Variants in FAT1 observed in about 807,000 individuals in gnomAD.
FAT1 encodes the protein protocadherin Fat 1.
FAT1 carries 171 observed loss-of-function variants against 329.8 expected under a neutral mutation model. That is an observed-to-expected ratio of 0.52 (90% CI 0.46 to 0.59). The LOEUF is 0.59. Ranked by LOEUF, FAT1 falls within the 20% of genes least tolerant of loss-of-function variation. The pLI is 0.00. For missense variants in FAT1, 5,672 were observed against 5,774.4 expected, an observed-to-expected ratio of 0.98 and a Z score of 0.57; for synonymous variants, 2,233 against 2,228.6, an observed-to-expected ratio of 1.00 and a Z score of -0.06.
intron 4 of FAT1, 146 bp from the exon 5 acceptor site, chr4:186,637,060 A>C (rs573191274): frequency 1.4e-6 from 1 of 739,622 alleles, no homozygotes; most frequent in Non-Finnish European, 2.2e-6. Flanking sequence ...CTTCATTCCA[A>C]CAACAGGGCT....
chr4:186,705,682 G>A (rs1264249890), intron 2 of FAT1, among the ~76,000 whole-genome samples: 2 of 152,170 alleles, frequency 1.3e-5, no homozygotes, highest in Non-Finnish European at 2.9e-5. Context: ...ACTCCACCAG[G>A]ACATATTGAC....
At chr4:186,699,402 C>T (rs952510398) in intron 2 of FAT1, among the ~76,000 whole-genome samples, 2 of 152,100 alleles carry the variant, frequency 1.3e-5, no homozygotes, top group African/African-American at 2.4e-5. Context: ...AGCAATGGAC[C>T]GAGTTCAACA....
At chr4:186,715,070 T>A (rs1293175801) in intron 1 of FAT1, among the ~76,000 whole-genome samples, 2 of 143,104 alleles carry the variant, frequency 1.4e-5, no homozygotes, top group Non-Finnish European at 3.0e-5. Flanking sequence ...AGAGCAAGAC[T>A]CTGTCTCAAA....
At chr4:186,612,564 T>C (rs1311673789) in intron 13 of FAT1, among the ~76,000 whole-genome samples, 2 of 152,184 alleles carry the variant, frequency 1.3e-5, no homozygotes, top group African/African-American at 4.8e-5. Context: ...AAGTACATAA[T>C]GCAAATATTC....
intron 2 of FAT1, among the ~76,000 whole-genome samples, chr4:186,699,428 G>A (rs746969889): frequency 6.6e-6 from 1 of 152,146 alleles, no homozygotes. Flanking sequence ...TCAGATATTC[G>A]AGGAGATATG....
intron 26 of FAT1, among the ~76,000 whole-genome samples, chr4:186,591,560 A>T (rs1211598808): frequency 6.6e-6 from 1 of 152,228 alleles, no homozygotes; most frequent in African/African-American, 2.4e-5. Context: ...GCCAAAAAAT[A>T]TTTGTCAATG....
chr4:186,594,229 C>G (rs1007921581), intron 26 of FAT1, among the ~76,000 whole-genome samples: 8 of 151,950 alleles, frequency 5.3e-5, no homozygotes, highest in Admixed American at 5.2e-4. Flanking sequence ...CCACGCCCGG[C>G]TGATTTTTTT....
chr4:186,633,580 A>AC, intron 7 of FAT1, 104 bp downstream of exon 7: 2 of 1,197,634 alleles, frequency 1.7e-6, no homozygotes, highest in African/African-American at 3.0e-5. Flanking sequence ...CTGATTTTAG[A>AC]CCCTCACAGG....
chr4:186,665,379 T>A (rs537797012), intron 2 of FAT1, among the ~76,000 whole-genome samples: 1 of 152,192 alleles, frequency 6.6e-6, no homozygotes, highest in Non-Finnish European at 1.5e-5. Context: ...TTTTTAATGA[T>A]CACCATTCTA....
chr4:186,643,627 C>G (rs1274316903), intron 3 of FAT1, among the ~76,000 whole-genome samples: 1 of 152,066 alleles, frequency 6.6e-6, no homozygotes, highest in South Asian at 2.1e-4. Flanking sequence ...GGTGTCTTTT[C>G]GAGGTGCGCT....
rs763068221 is a variant in FAT1, at chr4:186,663,360, C to G, written c.3519G>C (p.Lys1173Asn). 2.5e-6 allele frequency: 4 copies of G among 1,613,956 alleles called. No homozygotes were observed. The highest frequency in any genetic ancestry group is 3.4e-6 in the Non-Finnish European group (4 of 1,179,866). Residue 1173 changes from lysine to asparagine, a missense_variant, in exon 3 of 27, where the codon AAG (lysine) becomes AAC (asparagine). Lys to Asn is a moderately conservative substitution (Grantham distance 94, BLOSUM62 0). Coordinates refer to ENST00000441802, the MANE Select transcript of FAT1 (RefSeq NM_005245.4). ...TTCCACTTGTAATTTTGTACATGAG[C>G]TTGTCATTAGAGCTCGAATCTGGAT... is the stretch of plus-strand genomic sequence containing the variant. The part of the protein sequence containing the change: ...AFDPDSSSND[K>N]LMYKITSGNP...
intron 2 of FAT1, among the ~76,000 whole-genome samples, chr4:186,680,972 T>C (rs1303006358): frequency 1.3e-5 from 2 of 152,190 alleles, no homozygotes; most frequent in Non-Finnish European, 2.9e-5. Context: ...AACCAAACCC[T>C]AAGAAAGCTT....
rs144100964 is a variant in FAT1, at chr4:186,611,310, A to G, written c.9853+76T>C. On this transcript the variant is annotated intron_variant, in intron 14 of 26. Coordinates refer to ENST00000441802, the MANE Select transcript of FAT1 (RefSeq NM_005245.4). ...TACTGACAACACAGGGTCACTTAAT[A>G]CAAGGCAACGTGGTTAAGCAAATCT... The G allele has an allele frequency of 1.2e-4, 169 of 1,381,946 alleles. No homozygotes were observed. The African/African-American group carries it at 2.2e-3, about 18-fold the overall frequency. The allele number at this position is 1,381,946 out of a possible 1,614,324, so 85.6% of individuals were successfully genotyped here.
In FAT1 at chr4:186,596,917, C is replaced by T. The variant is rs751626816; in HGVS notation, c.12623G>A (p.Arg4208Gln). The change falls in exon 25 of 27, where the codon CGG (arginine) becomes CAG (glutamine). Residue 4208 changes from arginine to glutamine, a missense_variant. Arg to Gln is a conservative substitution (Grantham distance 43). This residue lies in a region of FAT1 where 1,706 missense variants were observed against 1,859.1 expected (regional missense o/e 0.92). Coordinates refer to ENST00000441802, the MANE Select transcript of FAT1 (RefSeq NM_005245.4). This position sits in a 1 kb window ranked among gnomAD's most constrained non-coding sequence, Gnocchi z 4.7. ...AGGTTCAGCCTGATGCTTCTTTTTC[C>T]GACTAATCATCTTACGGCAGAGAAC... ...VFVLCRKMIS[R>Q]KKKHQAEPKD... 2.2e-5 allele frequency: 35 copies of T among 1,613,858 alleles called. No homozygotes were observed. The highest frequency in any genetic ancestry group is 3.3e-4 in the Middle Eastern group (2 of 6,084).
In FAT1 at chr4:186,639,799, A is replaced by G. The variant is rs2126571592; in HGVS notation, c.3581-16T>C. 2 of 1,599,514 alleles carry G rather than the reference A, an allele frequency of 1.3e-6. No individual in the cohort carries two copies. Among genetic ancestry groups the G allele is most frequent in the Middle Eastern group, 3.3e-4 (2 of 5,982 alleles). ...GTGATGAGACCTGTAAAATGATAAC[A>G]GTTCATTAATCCTCACAAAATAAGG... On this transcript the variant is annotated splice_polypyrimidine_tract_variant and intron_variant, in intron 3 of 26. Coordinates refer to ENST00000441802, the MANE Select transcript of FAT1 (RefSeq NM_005245.4).
At chr4:186,622,037 A>C (rs1740073718) in intron 9 of FAT1, among the ~76,000 whole-genome samples, 1 of 152,176 alleles carries the variant, frequency 6.6e-6, no homozygotes, top group Admixed American at 6.5e-5. Context: ...GCGAAGCCAA[A>C]ACTCCCTCTC....
At chr4:186,591,581 C>A (rs149576610) in intron 26 of FAT1, among the ~76,000 whole-genome samples, 1 of 152,246 alleles carries the variant, frequency 6.6e-6, no homozygotes, top group East Asian at 1.9e-4. Flanking sequence ...AAGGAGACTG[C>A]AATGAAGGAA....
chr4:186,619,191 C>T lies in FAT1; in HGVS notation c.7395G>A (p.Leu2465=), dbSNP rs1739894569. ...TTCTAAAAACTCCATCAGACACTGA[C>T]AGGTTAAGACTGTAAAATGGCTTCA... ...HALKPFYSLN[L]SVSDGVFRSS... Residue 2465 remains leucine, a synonymous_variant, in exon 10 of 27, where the codon CTG becomes CTA. Coordinates refer to ENST00000441802, the MANE Select transcript of FAT1 (RefSeq NM_005245.4). The T allele has an allele frequency of 1.9e-6, 3 of 1,613,840 alleles. No homozygotes were observed. Among genetic ancestry groups the T allele is most frequent in the Non-Finnish European group, 8.5e-7 (1 of 1,179,898 alleles).
In FAT1 at chr4:186,706,873, G is replaced by A. The variant is rs200907501; in HGVS notation, c.2955C>T (p.Ile985=). Reference sequence around the variant, plus strand: ...TCTTCTCAAAGTCCAACTGCTGGACGATCCTAACTGCTCCACTGAGTTTAT... The same window carrying A: ...TCTTCTCAAAGTCCAACTGCTGGACAATCCTAACTGCTCCACTGAGTTTAT... ...DVDKLSGAVR[I]VQQLDFEKKQ... The change falls in exon 2 of 27, where the codon ATC becomes ATT. Residue 985 remains isoleucine (I), a synonymous_variant. Coordinates refer to ENST00000441802, the MANE Select transcript of FAT1 (RefSeq NM_005245.4). The A allele has an allele frequency of 9.4e-4, 1,523 of 1,613,792 alleles. 3 individuals are homozygous for A. Among genetic ancestry groups the A allele is most frequent in the Admixed American group, 2.2e-3 (132 of 59,996 alleles).
Sources: gnomAD v4.1 joint callset for allele counts (sites outside exome capture counted in the v4.1 genomes callset) on GRCh38, gnomAD v4.1.1 for gene constraint, gnomAD v4.1.1 regional missense constraint, Gnocchi (gnomAD v3.1) non-coding constraint, MANE v1.5 for transcripts, NCBI Gene and HGNC (gene_info 2026-07-23, HGNC 2026-07-21) for gene names.